Variants in AKT3 observed in about 807,000 individuals in gnomAD.
AKT3 encodes RAC-gamma serine/threonine-protein kinase.
In AKT3, 15 loss-of-function variants were observed where a neutral mutation model predicts 65.3. That is an observed-to-expected ratio of 0.23 (90% CI 0.15 to 0.35). AKT3 has a LOEUF of 0.35. AKT3 is among the 10% of genes least tolerant of loss of function. The pLI, the probability that AKT3 is intolerant of heterozygous loss-of-function variation, is 1.00. For synonymous variants in AKT3, 206 were observed against 183.8 expected (o/e 1.12, Z -0.98); for missense variants, 243 against 576.5 (o/e 0.42, Z 5.92).
chr1:243,497,036 G>C (rs1351304413), downstream of AKT3, among the ~76,000 whole-genome samples: 1 of 152,186 alleles, frequency 6.6e-6, no homozygotes, highest in African/African-American at 2.4e-5. Context: ...AGAAGGACGG[G>C]AGACACTGGC....
At position 243,494,110 on chromosome 1, in the gene AKT3, C is replaced by A. The variant is rs542078934; in HGVS notation, c.*6+5627G>T. ...TAAGACAGATGGCGCTTGAATAGAA[C>A]AGCAAATACATTGAATAAAATAAAT... On this transcript the variant is annotated intron_variant, in intron 13 of 13. Transcript: ENST00000336199. Among the ~76,000 whole-genome samples the A allele has an allele frequency of 8.5e-5, 13 of 152,284 alleles. No individual in the cohort carries two copies. The East Asian group carries it at 2.1e-3, about 25-fold the overall frequency.
intron 12 of AKT3, among the ~76,000 whole-genome samples, chr1:243,528,673 C>T (rs531832840): frequency 6.6e-6 from 1 of 152,316 alleles, no homozygotes; most frequent in South Asian, 2.1e-4. Flanking sequence ...TTGATGACTG[C>T]ATAGTATTCC....
At chr1:243,803,454 G>A (rs1692501714) in intron 2 of AKT3, among the ~76,000 whole-genome samples, 1 of 152,064 alleles carries the variant, frequency 6.6e-6, no homozygotes, top group African/African-American at 2.4e-5. Context: ...ATTAGGTTAT[G>A]TACATGAAAA....
In AKT3 at chr1:243,817,191, C is replaced by G. The variant is rs187973366; in HGVS notation, c.46+25934G>C. On this transcript the variant is annotated intron_variant, in intron 2 of 13. Transcript: ENST00000673466. Reference sequence around the variant, plus strand: ...CATCTTTTAGTTCAGTGCAGCTACCCTTCTAAGTGCACCCATAGGAATGAC... The same window carrying G: ...CATCTTTTAGTTCAGTGCAGCTACCGTTCTAAGTGCACCCATAGGAATGAC... 5.9e-3 allele frequency among the ~76,000 whole-genome samples: 895 copies of G among 152,228 alleles called. 6 individuals carry two copies. Among genetic ancestry groups the G allele is most frequent in the South Asian group, 0.015 (72 of 4,812 alleles).
chr1:243,647,305 C>A (rs2147851226), intron 4 of AKT3, among the ~76,000 whole-genome samples: 1 of 152,242 alleles, frequency 6.6e-6, no homozygotes, highest in East Asian at 1.9e-4. Flanking sequence ...TGTTTAGATA[C>A]ATAAATACTT....
chr1:243,838,078 G>A (rs1049853805), intron 2 of AKT3, among the ~76,000 whole-genome samples: 1 of 152,172 alleles, frequency 6.6e-6, no homozygotes, highest in African/African-American at 2.4e-5. Context: ...AGGAGCAAGT[G>A]TGTGTGTAAC....
At chr1:243,505,901 A>C (rs1364728926) in intron 13 of AKT3, among the ~76,000 whole-genome samples, 1 of 152,258 alleles carries the variant, frequency 6.6e-6, no homozygotes, top group East Asian at 1.9e-4. Context: ...AAAAGAGGGA[A>C]GGATGTCAAC....
At chr1:243,597,817 C>T (rs1002450143) in intron 8 of AKT3, among the ~76,000 whole-genome samples, 2 of 152,218 alleles carry the variant, frequency 1.3e-5, no homozygotes, top group Admixed American at 1.3e-4. Flanking sequence ...AATGCAGAGA[C>T]CATCTGTCTT....
intron 2 of AKT3, among the ~76,000 whole-genome samples, chr1:243,713,947 T>C (rs1471723120): frequency 6.6e-6 from 1 of 151,978 alleles, no homozygotes; most frequent in African/African-American, 2.4e-5. Flanking sequence ...ACAGCCTCTA[T>C]TATGCTAAGG....
At chr1:243,832,726 T>C (rs1694618494) in intron 2 of AKT3, among the ~76,000 whole-genome samples, 1 of 151,926 alleles carries the variant, frequency 6.6e-6, no homozygotes, top group East Asian at 1.9e-4. Flanking sequence ...AGAGACAGAG[T>C]TCAGAGCTGC....
At chr1:243,545,412 A>T in intron 12 of AKT3, 98 bp downstream of exon 12, 2 of 664,734 alleles carry the variant, frequency 3.0e-6, no homozygotes, top group African/African-American at 1.8e-5. Flanking sequence ...AAGTATCATT[A>T]CATCATTAAC....
chr1:243,655,458 T>C (rs924493703), intron 4 of AKT3, among the ~76,000 whole-genome samples: 5 of 152,146 alleles, frequency 3.3e-5, no homozygotes, highest in Non-Finnish European at 7.4e-5. Flanking sequence ...TGTTTTTTTT[T>C]CCTCTATTAT....
At chr1:243,576,906 C>A (rs1442412377) in intron 8 of AKT3, among the ~76,000 whole-genome samples, 6 of 152,106 alleles carry the variant, frequency 3.9e-5, no homozygotes, top group Non-Finnish European at 2.9e-5. Context: ...CAAAAAAGAA[C>A]CCACAGAGCC....
chr1:243,738,640 T>C (rs1026820843), intron 2 of AKT3, among the ~76,000 whole-genome samples: 1 of 152,186 alleles, frequency 6.6e-6, no homozygotes, highest in African/African-American at 2.4e-5. Flanking sequence ...CCAGTCCCAC[T>C]TCCCACTTAG....
chr1:243,508,432 C>G (rs1014650411), intron 13 of AKT3, among the ~76,000 whole-genome samples: 5 of 152,220 alleles, frequency 3.3e-5, no homozygotes, highest in African/African-American at 7.2e-5. Context: ...CGATGCTAGT[C>G]TTTGCCTGGG....
At chr1:243,683,245 C>A (rs1199618020) in intron 3 of AKT3, among the ~76,000 whole-genome samples, 4 of 152,150 alleles carry the variant, frequency 2.6e-5, no homozygotes, top group African/African-American at 9.7e-5. Flanking sequence ...TGTGAAAGGG[C>A]TTGATACATA....
At chr1:243,592,162 C>T (rs1259330957) in intron 8 of AKT3, among the ~76,000 whole-genome samples, 1 of 151,826 alleles carries the variant, frequency 6.6e-6, no homozygotes, top group Non-Finnish European at 1.5e-5. Context: ...GGTGAAACCC[C>T]GTCGCTACTA....
chr1:243,545,770 T>C (rs1444182113), intron 11 of AKT3, 173 bp from the exon 12 acceptor site: 1 of 567,122 alleles, frequency 1.8e-6, no homozygotes, highest in Non-Finnish European at 3.1e-6. Context: ...AATATGCTTG[T>C]AAGAACTAGC....
chr1:243,649,357 G>GTGTGTGTGTGTA (rs1405251441), intron 4 of AKT3, among the ~76,000 whole-genome samples: 1 of 147,856 alleles, frequency 6.8e-6, no homozygotes, highest in African/African-American at 2.5e-5. Flanking sequence ...GTGTGTGTGT[G>GTGTGTGTGTGTA]TATGTTGGGT....
Sources: gnomAD v4.1 joint callset for allele counts (sites outside exome capture counted in the v4.1 genomes callset) on GRCh38, gnomAD v4.1.1 for gene constraint, MANE v1.5 for transcripts, NCBI Gene and HGNC (gene_info 2026-07-23, HGNC 2026-07-21) for gene names.